The following DNAJC24 variants were observed in gnomAD, a reference collection of about 807,000 sequenced individuals.
DNAJC24 encodes DnaJ heat shock protein family (Hsp40) member C24.
In DNAJC24, 17 loss-of-function variants were observed where a neutral mutation model predicts 18.0. The ratio of observed to expected loss-of-function variants is 0.94; its 90% CI spans 0.65 to 1.42. The LOEUF (loss-of-function observed/expected upper bound fraction) is 1.42. Among genes scored for constraint, DNAJC24 ranks in the 40% most tolerant of loss-of-function variants. The pLI is 0.00. For synonymous variants in DNAJC24, 55 were observed against 57.7 expected (o/e 0.95, Z 0.21); for missense variants, 158 against 175.6 (o/e 0.90, Z 0.57).
intron 2 of DNAJC24, among the ~76,000 whole-genome samples, chr11:31,377,945 C>T (rs537230852): frequency 4.6e-5 from 7 of 152,152 alleles, no homozygotes; most frequent in South Asian, 2.1e-4. Flanking sequence ...TTAATACTTA[C>T]GTGGGCATTC....
intron 3 of DNAJC24, 111 bp from the exon 4 acceptor site, chr11:31,426,176 A>T (rs1463404689): frequency 1.5e-6 from 1 of 656,092 alleles, no homozygotes. Context: ...TTTAAGTGAT[A>T]GGTAAGTTAG....
At chr11:31,415,081 T>A (rs1416592734) in intron 3 of DNAJC24, 132 bp downstream of exon 3, 1 of 949,974 alleles carries the variant, frequency 1.1e-6, no homozygotes, top group African/African-American at 1.7e-5. Flanking sequence ...CCTCCATCAC[T>A]GTTTTTAATT....
intron 3 of DNAJC24, among the ~76,000 whole-genome samples, chr11:31,422,666 C>T (rs1322508766): frequency 6.6e-6 from 1 of 152,062 alleles, no homozygotes; most frequent in African/African-American, 2.4e-5. Context: ...TTGAAAATGC[C>T]ATGCCTGATT....
chr11:31,430,445 T>C lies in DNAJC24; in HGVS notation c.*44T>C. On this transcript the variant is annotated 3_prime_UTR_variant, in exon 5 of 5. Coordinates refer to ENST00000465995, the MANE Select transcript of DNAJC24 (RefSeq NM_181706.5). ...ATGCTTTAACTGTGGTATTGAGACA[T>C]GATGAGAAGCCGTTGAGCTTTGTCC... The C allele has an allele frequency of 6.5e-7, 1 of 1,543,286 alleles. No individual in the cohort carries two copies. The highest frequency in any genetic ancestry group is 1.2e-5 in the South Asian group (1 of 82,152).
intron 3 of DNAJC24, among the ~76,000 whole-genome samples, chr11:31,417,553 G>C (rs76121318): frequency 6.6e-6 from 1 of 151,846 alleles, no homozygotes; most frequent in Non-Finnish European, 1.5e-5. Context: ...TTTTTTTCTG[G>C]GTCACCCCCT....
chr11:31,428,032 G>A (rs1164426461), intron 4 of DNAJC24: 1 of 149,696 alleles, frequency 6.7e-6, no homozygotes, highest in Admixed American at 6.7e-5. Flanking sequence ...AAGATTAGAA[G>A]TATATTATAT....
chr11:31,397,456 G>A (rs1351849847), intron 2 of DNAJC24, among the ~76,000 whole-genome samples: 1 of 148,844 alleles, frequency 6.7e-6, no homozygotes, highest in Non-Finnish European at 1.5e-5. Context: ...GTAGTGTGTT[G>A]TACTTGACTT....
chr11:31,406,275 G>T (rs549316094), intron 2 of DNAJC24, among the ~76,000 whole-genome samples: 7 of 152,240 alleles, frequency 4.6e-5, no homozygotes, highest in African/African-American at 1.7e-4. Flanking sequence ...TTGTTCACTA[G>T]GAAAGAGTAT....
At chr11:31,429,417 T>G (rs1467437424) in intron 4 of DNAJC24, 6 of 354,960 alleles carry the variant, frequency 1.7e-5, no homozygotes, top group Non-Finnish European at 3.7e-5. Flanking sequence ...TTGAGACTTA[T>G]TTATGTAATA....
intron 2 of DNAJC24, among the ~76,000 whole-genome samples, chr11:31,413,668 G>A (rs1952730452): frequency 6.6e-6 from 1 of 151,980 alleles, no homozygotes; most frequent in Non-Finnish European, 1.5e-5. Context: ...TCATTTTCAT[G>A]GTGAGCTTCT....
intron 2 of DNAJC24, among the ~76,000 whole-genome samples, chr11:31,402,322 A>G (rs190851898): frequency 6.6e-6 from 1 of 152,278 alleles, no homozygotes; most frequent in African/African-American, 2.4e-5. Context: ...TACCATCAAT[A>G]GAGCTTATAG....
intron 2 of DNAJC24, among the ~76,000 whole-genome samples, chr11:31,407,128 A>G (rs1003455961): frequency 2.6e-5 from 4 of 152,216 alleles, no homozygotes; most frequent in Non-Finnish European, 4.4e-5. Context: ...AAACTCATCT[A>G]TTAATACATA....
chr11:31,422,554 G>A (rs1403581084), intron 3 of DNAJC24, among the ~76,000 whole-genome samples: 4 of 151,970 alleles, frequency 2.6e-5, no homozygotes, highest in Non-Finnish European at 5.9e-5. Context: ...TGTTAACAGG[G>A]GAACTTTAGG....
chr11:31,379,861 G>A (rs1242832565), intron 2 of DNAJC24, among the ~76,000 whole-genome samples: 2 of 151,860 alleles, frequency 1.3e-5, no homozygotes, highest in Admixed American at 6.6e-5. Context: ...AGGTTCAAGC[G>A]ATTCTCCTCC....
chr11:31,430,309 A>C lies in DNAJC24; in HGVS notation c.358A>C (p.Lys120Gln), dbSNP rs929148769. The change falls in exon 5 of 5, where the codon AAA becomes CAA. Residue 120 changes from lysine to glutamine, a missense_variant. By Grantham distance (53) the Lys-to-Gln change is moderately conservative. Coordinates refer to ENST00000465995, the MANE Select transcript of DNAJC24 (RefSeq NM_181706.5). ...TTATCTGAGTTGCAGATGTGGTGGA[A>C]AATACAGTGTTTCCAAGGATGAAGC... is the stretch of plus-strand genomic sequence containing the variant. ...SFYLSCRCGG[K>Q]YSVSKDEAEE... The C allele has an allele frequency of 8.1e-6, 13 of 1,610,998 alleles. No homozygotes were observed. The Middle Eastern group carries it at 4.9e-4, about 61-fold the overall frequency.
At chr11:31,380,771 A>G (rs1222295886) in intron 2 of DNAJC24, among the ~76,000 whole-genome samples, 1 of 152,194 alleles carries the variant, frequency 6.6e-6, no homozygotes, top group African/African-American at 2.4e-5. Context: ...AAGATATAGA[A>G]CATTTTCATC....
chr11:31,370,258 G>A (rs1181616877), intron 1 of DNAJC24, among the ~76,000 whole-genome samples: 1 of 152,148 alleles, frequency 6.6e-6, no homozygotes, highest in East Asian at 1.9e-4. Context: ...AAAAGCAAAC[G>A]AGAAACTTTC....
chr11:31,388,170 TAGAG>T (rs955501376), intron 2 of DNAJC24, among the ~76,000 whole-genome samples: 2 of 151,130 alleles, frequency 1.3e-5, no homozygotes, highest in Non-Finnish European at 3.0e-5. Context: ...AAAGTGGAGG[TAGAG>T]AGAGAGAGGC....
intron 3 of DNAJC24, among the ~76,000 whole-genome samples, chr11:31,420,684 GT>G (rs1162694139): frequency 6.6e-6 from 1 of 151,982 alleles, no homozygotes; most frequent in Non-Finnish European, 1.5e-5. Context: ...ATTAATACCT[GT>G]TTTTCAGAGA....
Sources: allele counts gnomAD v4.1 joint callset (sites outside exome capture counted in the v4.1 genomes callset), GRCh38; gene constraint gnomAD v4.1.1; transcripts MANE v1.5; gene names NCBI Gene and HGNC (gene_info 2026-07-23, HGNC 2026-07-21).